HECW1: variants seen among roughly 807,000 people sequenced by gnomAD.
The protein encoded by HECW1 is HECT, C2 and WW domain containing E3 ubiquitin protein ligase 1, also known as E3 ubiquitin-protein ligase HECW1.
A neutral mutation model predicts 182.3 loss-of-function variants in HECW1; 61 were observed. The ratio of observed to expected loss-of-function variants is 0.33; its 90% confidence interval spans 0.27 to 0.41. The LOEUF (loss-of-function observed/expected upper bound fraction) is 0.41, where lower values mean the gene tolerates loss of function less well. Among genes scored for constraint, HECW1 ranks in the 10% least tolerant of loss-of-function variants. The pLI, the probability that HECW1 is intolerant of heterozygous loss-of-function variation, is 1.00. For synonymous variants in HECW1, 859 were observed against 832.6 expected, an observed-to-expected ratio of 1.03 and a Z score of -0.55; for missense variants, 1,739 against 2,108.9, an observed-to-expected ratio of 0.82 and a Z score of 3.44.
intron 5 of HECW1, among the ~76,000 whole-genome samples, chr7:43,330,049 A>G (rs1346165652): frequency 6.6e-6 from 1 of 152,082 alleles, no homozygotes; most frequent in African/African-American, 2.4e-5. Flanking sequence ...AGAAAGAGAG[A>G]TCATGGAGTT....
chr7:43,265,073 A>G (rs1326783517), intron 3 of HECW1, among the ~76,000 whole-genome samples: 1 of 152,214 alleles, frequency 6.6e-6, no homozygotes, highest in Non-Finnish European at 1.5e-5. Flanking sequence ...AGGATGCACT[A>G]GCTTCTATCA....
At position 43,146,233 on chromosome 7, in the gene HECW1, T is replaced by C. The variant is rs528491174; in HGVS notation, c.-32+31842T>C. ...ACCTTGGCACTATTGACATTCTGGG[T>C]CCAATAATTCTTTTTTGTTGGAGGC... is the stretch of plus-strand genomic sequence containing the variant. On this transcript the variant is annotated intron_variant, in intron 2 of 29. Coordinates refer to ENST00000395891, the MANE Select transcript of HECW1 (RefSeq NM_015052.5). Among the ~76,000 whole-genome samples the C allele has an allele frequency of 2.6e-5, 4 of 152,336 alleles. No homozygotes were observed. In the South Asian group the frequency reaches 6.2e-4, roughly 24 times the overall value.
At chr7:43,380,316 G>A (rs2074494543) in intron 6 of HECW1, among the ~76,000 whole-genome samples, 1 of 151,888 alleles carries the variant, frequency 6.6e-6, no homozygotes, top group South Asian at 2.1e-4. Context: ...CTCCTGTCTT[G>A]TCCTCCCAAA....
chr7:43,230,031 T>C (rs1797750416), intron 2 of HECW1, among the ~76,000 whole-genome samples: 1 of 152,204 alleles, frequency 6.6e-6, no homozygotes, highest in African/African-American at 2.4e-5. Flanking sequence ...CTGACTCTTA[T>C]CACAAGGAAA....
At chr7:43,351,678 CTT>C (rs200929407) in intron 5 of HECW1, among the ~76,000 whole-genome samples, 72 of 120,512 alleles carry the variant, frequency 6.0e-4, no homozygotes, top group East Asian at 1.6e-3. Flanking sequence ...TTTCTTTCTT[CTT>C]TTTTTTTTTT....
intron 2 of HECW1, chr7:43,207,959 A>G (rs780047275): frequency 1.3e-5 from 2 of 152,192 alleles, no homozygotes; most frequent in Non-Finnish European, 2.9e-5. Flanking sequence ...ACCTTTGTGT[A>G]GATTTATTTA....
In HECW1 at chr7:43,444,382, G is replaced by C. The variant is rs61756574; in HGVS notation, c.1210G>C (p.Gly404Arg). ...GCTGGGTGAGGGCAGTGTCCCCGAT[G>C]GTCCAGGGAACCAAAGCATAGAGCT... ...EQLGEGSVPD[G>R]PGNQSIELSR... The change falls in exon 11 of 30, where the codon GGT becomes CGT. Residue 404 changes from glycine (G) to arginine (R), a missense_variant. Physicochemically the swap from Gly to Arg is moderately radical, Grantham distance 125. Transcript: ENST00000395891. The surrounding 1 kb of genome is among the most constrained non-coding windows in gnomAD (Gnocchi z 4.3). The C allele has an allele frequency of 0.19, 303,974 of 1,613,882 alleles. 30,856 individuals are homozygous for C. The highest frequency in any genetic ancestry group is 0.21 in the South Asian group (19,310 of 91,060).
At chr7:43,245,490 C>T (rs960227234) in intron 3 of HECW1, 1 of 152,164 alleles carries the variant, frequency 6.6e-6, no homozygotes, top group African/African-American at 2.4e-5. Flanking sequence ...GACTAGTGTC[C>T]TTGGGAAGTT....
At chr7:43,119,282 C>G (rs1203397310) in intron 2 of HECW1, 1 of 152,336 alleles carries the variant, frequency 6.6e-6, no homozygotes, top group Non-Finnish European at 1.5e-5. Context: ...AAGGGCACAG[C>G]TTTGCTGATC....
chr7:43,488,402 A>AAG (rs1563045413), intron 17 of HECW1, among the ~76,000 whole-genome samples: 3 of 102,666 alleles, frequency 2.9e-5, no homozygotes, highest in African/African-American at 8.1e-5. Context: ...AAGGAAGGAA[A>AAG]TGAAAGAAAG....
chr7:43,395,703 A>G (rs1466745556), intron 6 of HECW1, among the ~76,000 whole-genome samples: 1 of 152,198 alleles, frequency 6.6e-6, no homozygotes, highest in Admixed American at 6.5e-5. Flanking sequence ...TACAAGCAGC[A>G]GCCAAGCTCA....
chr7:43,467,248 G>C (rs774795041), intron 15 of HECW1, among the ~76,000 whole-genome samples: 1 of 152,086 alleles, frequency 6.6e-6, no homozygotes, highest in East Asian at 1.9e-4. Context: ...GGACCAGGCC[G>C]AACTGAGGGA....
chr7:43,492,261 T>C, intron 18 of HECW1, 81 bp downstream of exon 18: 1 of 1,015,506 alleles, frequency 9.8e-7, no homozygotes, highest in Non-Finnish European at 1.5e-6. Context: ...TTTCTGGTTT[T>C]TGTCATGAAC....
At chr7:43,532,437 A>G (rs866339544) in intron 24 of HECW1, among the ~76,000 whole-genome samples, 4 of 152,232 alleles carry the variant, frequency 2.6e-5, no homozygotes, top group Middle Eastern at 3.4e-3. Context: ...GAAACTTCCA[A>G]TGGATTCCCA....
chr7:43,145,941 TG>T (rs1788661265), intron 2 of HECW1, among the ~76,000 whole-genome samples: 1 of 152,192 alleles, frequency 6.6e-6, no homozygotes, highest in Non-Finnish European at 1.5e-5. Flanking sequence ...CTTCCTTCCT[TG>T]CACAGTGGTA....
intron 17 of HECW1, among the ~76,000 whole-genome samples, chr7:43,488,552 A>G (rs1174681405): frequency 6.6e-6 from 1 of 152,238 alleles, no homozygotes; most frequent in East Asian, 1.9e-4. Context: ...TCATGTTTGC[A>G]GTGAGATTCA....
chr7:43,261,043 A>C (rs1431132184), intron 3 of HECW1, among the ~76,000 whole-genome samples: 2 of 152,128 alleles, frequency 1.3e-5, no homozygotes, highest in African/African-American at 4.8e-5. Flanking sequence ...TTAATTGGTA[A>C]ATGCTGAAGT....
At chr7:43,524,364 G>A (rs1340608973) in intron 24 of HECW1, among the ~76,000 whole-genome samples, 1 of 152,198 alleles carries the variant, frequency 6.6e-6, no homozygotes, top group African/African-American at 2.4e-5. Context: ...GACCAAACCT[G>A]AAGGCAGTAA....
rs1474385852 is a variant in HECW1 at position 43,308,946 on chromosome 7, C to T, written c.28-2817C>T. Among the ~76,000 whole-genome samples, 14 of 152,270 alleles carry T rather than the reference C, an allele frequency of 9.2e-5. No homozygotes were observed. In the South Asian group the frequency reaches 2.7e-3, roughly 29 times the overall value. On this transcript the variant is annotated intron_variant, in intron 3 of 29. Transcript: ENST00000395891. ...CATTTTATCTATTTTTATAAGCCAT[C>T]TTAAACCCTTTCTGGAACAAGAAGG...
Sources: allele counts gnomAD v4.1 joint callset (sites outside exome capture counted in the v4.1 genomes callset), GRCh38; gene constraint gnomAD v4.1.1; non-coding constraint Gnocchi (gnomAD v3.1); transcripts MANE v1.5; gene names NCBI Gene and HGNC (gene_info 2026-07-23, HGNC 2026-07-21).